Variants in ENTREP2 observed in about 807,000 individuals in gnomAD.
The protein encoded by ENTREP2 is endosomal transmembrane epsin interactor 2, also known as protein ENTREP2.
the ENTREP2 span, chr15:29,151,748 C>G: frequency 6.4e-7 from 1 of 1,551,674 alleles, no homozygotes. Context: ...TGCAGGACAT[C>G]GGAGGAGACC....
chr15:29,578,644 TTTTCAA>T, the ENTREP2 span, among the ~76,000 whole-genome samples: 2 of 152,218 alleles, frequency 1.3e-5, no homozygotes, highest in African/African-American at 4.8e-5. Flanking sequence ...GAAAAGTATT[TTTTCAA>T]ACATTACGCA....
the ENTREP2 span, among the ~76,000 whole-genome samples, chr15:29,466,005 A>G: frequency 1.3e-5 from 2 of 152,174 alleles, no homozygotes; most frequent in Admixed American, 6.5e-5. Context: ...TCATTCATTT[A>G]TCCAACAAAT....
At chr15:29,474,233 C>T in the ENTREP2 span, among the ~76,000 whole-genome samples, 3 of 152,132 alleles carry the variant, frequency 2.0e-5, no homozygotes, top group African/African-American at 7.2e-5. Flanking sequence ...AGAGAGGCTA[C>T]CTACGGTTCA....
At chr15:29,612,428 A>G in the ENTREP2 span, 1 of 151,394 alleles carries the variant, frequency 6.6e-6, no homozygotes, top group Non-Finnish European at 1.5e-5. Context: ...CCCTCTTAGA[A>G]CCTTCCCACC....
At chr15:29,625,405 T>C in the ENTREP2 span, among the ~76,000 whole-genome samples, 3 of 152,198 alleles carry the variant, frequency 2.0e-5, no homozygotes, top group Admixed American at 2.0e-4. Context: ...AGTTTGTTGT[T>C]CTCTTTTTGA....
At chr15:29,539,243 G>C in the ENTREP2 span, among the ~76,000 whole-genome samples, 1 of 130,040 alleles carries the variant, frequency 7.7e-6, no homozygotes, top group African/African-American at 3.0e-5. Flanking sequence ...CAGAGTGTCA[G>C]ACCTCATGCT....
chr15:29,642,011 T>C, the ENTREP2 span, among the ~76,000 whole-genome samples: 9 of 152,124 alleles, frequency 5.9e-5, no homozygotes, highest in Non-Finnish European at 1.3e-4. Flanking sequence ...ACATATCCCA[T>C]GTTCATGTAT....
chr15:29,346,445 AC>A, the ENTREP2 span, among the ~76,000 whole-genome samples: 24 of 151,698 alleles, frequency 1.6e-4, no homozygotes, highest in African/African-American at 5.6e-4. Context: ...TCTCAGCCCC[AC>A]CCCAAGACAG....
chr15:29,674,970 C>G, the ENTREP2 span: 1 of 153,640 alleles, frequency 6.5e-6, no homozygotes, highest in South Asian at 2.0e-4. Context: ...CTGGCTTCCC[C>G]TCTCCGCCAC....
At chr15:29,276,393 C>T in the ENTREP2 span, among the ~76,000 whole-genome samples, 1 of 152,226 alleles carries the variant, frequency 6.6e-6, no homozygotes. Context: ...TCCCTTTGTT[C>T]TGTATCCTTT....
At chr15:29,213,149 C>T in the ENTREP2 span, among the ~76,000 whole-genome samples, 2 of 152,070 alleles carry the variant, frequency 1.3e-5, no homozygotes, top group Non-Finnish European at 2.9e-5. Flanking sequence ...CGTTGGTCTA[C>T]ATCTCTGTTT....
chr15:29,387,957 C>T, the ENTREP2 span, among the ~76,000 whole-genome samples: 1 of 152,056 alleles, frequency 6.6e-6, no homozygotes, highest in African/African-American at 2.4e-5. Context: ...ATACCTTATA[C>T]AAAAATTAAT....
At chr15:29,334,806 T>C in the ENTREP2 span, among the ~76,000 whole-genome samples, 2 of 152,128 alleles carry the variant, frequency 1.3e-5, no homozygotes, top group Non-Finnish European at 2.9e-5. Context: ...GAATGCTGGC[T>C]CTGGCAGAAG....
At chr15:29,415,975 C>T in the ENTREP2 span, among the ~76,000 whole-genome samples, 2 of 152,098 alleles carry the variant, frequency 1.3e-5, no homozygotes, top group African/African-American at 4.8e-5. Context: ...AACTACAAGC[C>T]ACTGCTCAAT....
At chr15:29,206,057 C>T in the ENTREP2 span, among the ~76,000 whole-genome samples, 1 of 152,144 alleles carries the variant, frequency 6.6e-6, no homozygotes, top group African/African-American at 2.4e-5. Flanking sequence ...TGACACAGGA[C>T]GACATAACTG....
the ENTREP2 span, among the ~76,000 whole-genome samples, chr15:29,449,806 C>A: frequency 6.6e-6 from 1 of 152,164 alleles, no homozygotes; most frequent in Non-Finnish European, 1.5e-5. Context: ...AATTCTCTAT[C>A]TTTTAAATAC....
chr15:29,465,581 T>C, the ENTREP2 span, among the ~76,000 whole-genome samples: 1 of 152,208 alleles, frequency 6.6e-6, no homozygotes, highest in African/African-American at 2.4e-5. Context: ...ATTTGCTAAG[T>C]CCTGACCGCA....
chr15:29,184,131 C>T, the ENTREP2 span, among the ~76,000 whole-genome samples: 2 of 152,134 alleles, frequency 1.3e-5, no homozygotes, highest in East Asian at 1.9e-4. Context: ...ACTACAGCCA[C>T]GCACCACCAC....
the ENTREP2 span, among the ~76,000 whole-genome samples, chr15:29,435,124 A>C: frequency 6.6e-6 from 1 of 151,888 alleles, no homozygotes; most frequent in Non-Finnish European, 1.5e-5. Flanking sequence ...TACTAACTCC[A>C]TCCTGCTTGA....
Sources: gnomAD v4.1 joint callset for allele counts (sites outside exome capture counted in the v4.1 genomes callset) on GRCh38, gnomAD v4.1.1 for gene constraint, MANE v1.5 for transcripts, NCBI Gene and HGNC (gene_info 2026-07-23, HGNC 2026-07-21) for gene names.